The following TLN2 variants were observed in gnomAD, a reference collection of about 807,000 sequenced individuals.
TLN2 encodes talin-2.
In TLN2, 118 loss-of-function variants were observed where a neutral mutation model predicts 294.7. The observed-to-expected ratio is 0.40, with a 90% CI of 0.34 to 0.47. The LOEUF is 0.47. Among genes scored for constraint, TLN2 ranks in the 20% least tolerant of loss-of-function variants. The pLI is 0.84. For synonymous variants in TLN2, 1,431 were observed against 1,304.5 expected (o/e 1.10, Z -2.09); for missense variants, 3,083 against 3,282.2 (o/e 0.94, Z 1.48).
chr15:62,394,283 A>G (rs1394726687), intron 1 of TLN2, among the ~76,000 whole-genome samples: 2 of 152,230 alleles, frequency 1.3e-5, no homozygotes, highest in Non-Finnish European at 2.9e-5. Flanking sequence ...GTGATCTGTG[A>G]CATTATTGCT....
chr15:62,518,688 C>A (rs1010982759), intron 1 of TLN2, among the ~76,000 whole-genome samples: 1 of 152,090 alleles, frequency 6.6e-6, no homozygotes, highest in African/African-American at 2.4e-5. Context: ...ACCTCTGCCT[C>A]CCAGCTTCAA....
At chr15:62,616,669 C>G (rs1412237747) in intron 2 of TLN2, among the ~76,000 whole-genome samples, 1 of 152,208 alleles carries the variant, frequency 6.6e-6, no homozygotes. Context: ...TTCTCCCCAG[C>G]TTTTGTATTC....
intron 25 of TLN2, 140 bp downstream of exon 25, chr15:62,720,020 C>T (rs1310631523): frequency 7.1e-6 from 4 of 562,416 alleles, no homozygotes; most frequent in Non-Finnish European, 1.1e-5. Flanking sequence ...TCTTCTTTAC[C>T]TTTCCAGTTT....
intron 1 of TLN2, among the ~76,000 whole-genome samples, chr15:62,531,838 C>T (rs976863232): frequency 6.6e-6 from 1 of 151,966 alleles, no homozygotes; most frequent in Non-Finnish European, 1.5e-5. Flanking sequence ...GATGTTCATC[C>T]CCAAATCATT....
At chr15:62,473,320 G>A (rs1184280568) in intron 1 of TLN2, among the ~76,000 whole-genome samples, 2 of 151,984 alleles carry the variant, frequency 1.3e-5, no homozygotes, top group Non-Finnish European at 2.9e-5. Flanking sequence ...AATGCTTGGA[G>A]GTCCCTGTCA....
Position 62,603,216 on chromosome 15 carries a change from C to T in TLN2, c.-162+13454C>T, listed in dbSNP as rs183103103. 4.6e-3 allele frequency among the ~76,000 whole-genome samples: 702 copies of T among 152,246 alleles called. 1 individual carries two copies. Among genetic ancestry groups the T allele is most frequent in the Non-Finnish European group, 8.0e-3 (547 of 68,008 alleles). Reference sequence around the variant, plus strand: ...CGAGGCGTTTGGTTTTACCCCAGTTCTCTCTCCATCCTGTTTTCTCCTACC... The same window carrying T: ...CGAGGCGTTTGGTTTTACCCCAGTTTTCTCTCCATCCTGTTTTCTCCTACC... On this transcript the variant is annotated intron_variant, in intron 2 of 58. Coordinates refer to ENST00000636159, the MANE Select transcript of TLN2 (RefSeq NM_015059.3).
chr15:62,767,989 G>A (rs2063120301), intron 41 of TLN2, among the ~76,000 whole-genome samples: 1 of 152,104 alleles, frequency 6.6e-6, no homozygotes, highest in Non-Finnish European at 1.5e-5. Flanking sequence ...CTTGACCCTT[G>A]GGCTAATCCA....
intron 2 of TLN2, among the ~76,000 whole-genome samples, chr15:62,602,866 C>CTT (rs1168318291): frequency 6.0e-5 from 8 of 133,542 alleles, no homozygotes; most frequent in East Asian, 2.2e-4. Flanking sequence ...GAGGTGTTTG[C>CTT]TTTTTTTTTT....
intron 1 of TLN2, among the ~76,000 whole-genome samples, chr15:62,413,850 G>A (rs1215754348): frequency 1.1e-4 from 16 of 152,094 alleles, no homozygotes; most frequent in Admixed American, 1.0e-3. Flanking sequence ...TTCAGCAATA[G>A]ATTACACATT....
At chr15:62,664,502 T>C (rs1030298161) in intron 9 of TLN2, among the ~76,000 whole-genome samples, 6 of 152,020 alleles carry the variant, frequency 3.9e-5, no homozygotes, top group African/African-American at 1.5e-4. Flanking sequence ...AAACCGGATG[T>C]ATTATTCTTT....
intron 52 of TLN2, among the ~76,000 whole-genome samples, chr15:62,810,592 C>T (rs974007516): frequency 6.6e-6 from 1 of 152,150 alleles, no homozygotes; most frequent in East Asian, 1.9e-4. Flanking sequence ...GCAGAAGACA[C>T]CAGGCAGGGG....
At position 62,392,249 on chromosome 15, in the gene TLN2, A is replaced by G. The variant is rs547648572; in HGVS notation, c.-238+1564A>G. On this transcript the variant is annotated intron_variant, in intron 1 of 58. Transcript: ENST00000636159. Reference sequence around the variant, plus strand: ...TTGAAGAGCTGGGACAACTTAGGCCAGAATTCCTGTGTCTCATAGTGAAAA... The same window carrying G: ...TTGAAGAGCTGGGACAACTTAGGCCGGAATTCCTGTGTCTCATAGTGAAAA... Among the ~76,000 whole-genome samples, 11 of 152,350 alleles carry G rather than the reference A, an allele frequency of 7.2e-5. No individual in the cohort carries two copies. In the South Asian group the frequency reaches 2.3e-3, roughly 32 times the overall value.
chr15:62,425,839 A>G lies in TLN2; in HGVS notation c.-238+35154A>G, dbSNP rs909538055. ...TTAGTAATAGTTGCTCAGTTAATTT[A>G]CCATCATTGGTTGAGGGGAGAACCT... On this transcript the variant is annotated intron_variant, in intron 1 of 58. Coordinates refer to ENST00000636159, the MANE Select transcript of TLN2 (RefSeq NM_015059.3). 1.3e-5 allele frequency among the ~76,000 whole-genome samples: 2 copies of G among 152,276 alleles called. 1 individual carries two copies. Among genetic ancestry groups the G allele is most frequent in the Admixed American group, 1.3e-4 (2 of 15,298 alleles).
intron 1 of TLN2, among the ~76,000 whole-genome samples, chr15:62,571,634 G>T (rs1160191888): frequency 6.6e-6 from 1 of 152,164 alleles, no homozygotes; most frequent in Non-Finnish European, 1.5e-5. Flanking sequence ...ACATCTGCAG[G>T]AGTAGAGGCA....
chr15:62,540,503 C>T (rs1029078929), intron 1 of TLN2, among the ~76,000 whole-genome samples: 12 of 151,422 alleles, frequency 7.9e-5, no homozygotes, highest in African/African-American at 2.7e-4. Context: ...GGACAAGCAG[C>T]CCTTTCTCTG....
At chr15:62,485,039 C>T (rs1424768642) in intron 1 of TLN2, among the ~76,000 whole-genome samples, 3 of 152,164 alleles carry the variant, frequency 2.0e-5, no homozygotes, top group African/African-American at 7.2e-5. Context: ...CATCACTCAG[C>T]TGGGGATACC....
rs80110620 is a variant in TLN2 at position 62,458,430 on chromosome 15, A to G, written c.-238+67745A>G. 2.2e-4 allele frequency among the ~76,000 whole-genome samples: 33 copies of G among 152,158 alleles called. No homozygotes were observed. In the East Asian group the frequency reaches 4.6e-3, roughly 21 times the overall value. On this transcript the variant is annotated intron_variant, in intron 1 of 58. Transcript: ENST00000636159. Reference sequence around the variant, plus strand: ...AGCTGGGCTTAATGAGAGATGGCACATTGATTACTTGTTAATAAAGAGATG... The same window carrying G: ...AGCTGGGCTTAATGAGAGATGGCACGTTGATTACTTGTTAATAAAGAGATG...
intron 37 of TLN2, among the ~76,000 whole-genome samples, chr15:62,759,352 TA>T (rs566240060): frequency 7.2e-5 from 11 of 152,378 alleles, no homozygotes; most frequent in Non-Finnish European, 8.8e-5. Flanking sequence ...TAGTTCATGT[TA>T]TTCAAGGCTT....
chr15:62,404,711 G>GT (rs916786474), intron 1 of TLN2, among the ~76,000 whole-genome samples: 14 of 152,064 alleles, frequency 9.2e-5, no homozygotes, highest in Non-Finnish European at 1.8e-4. Flanking sequence ...TTCCAAGGGG[G>GT]GCGTGGATTA....
Sources: gnomAD v4.1 joint callset for allele counts (sites outside exome capture counted in the v4.1 genomes callset) on GRCh38, gnomAD v4.1.1 for gene constraint, MANE v1.5 for transcripts, NCBI Gene and HGNC (gene_info 2026-07-23, HGNC 2026-07-21) for gene names.